RBFOX1: variants seen among roughly 807,000 people sequenced by gnomAD.
RBFOX1 encodes the protein RNA binding protein fox-1 homolog 1.
Under a neutral mutation model 57.7 loss-of-function variants are expected in RBFOX1, and 8 were observed. That is an observed-to-expected ratio of 0.14 (90% CI 0.08 to 0.25). The LOEUF is 0.25. Ranked by LOEUF, RBFOX1 falls within the 10% of genes least tolerant of loss-of-function variation. RBFOX1 has a pLI of 1.00. For missense variants in RBFOX1, 611 were observed against 548.5 expected, an observed-to-expected ratio of 1.11 and a Z score of -1.14; for synonymous variants, 326 against 222.4, an observed-to-expected ratio of 1.47 and a Z score of -4.15.
At chr16:6,087,316 A>G (rs936174344) in intron 1 of RBFOX1, among the ~76,000 whole-genome samples, 5 of 152,214 alleles carry the variant, frequency 3.3e-5, no homozygotes, top group Admixed American at 3.3e-4. Context: ...ACACATGTGC[A>G]TGCAAGCTTT....
intron 4 of RBFOX1, among the ~76,000 whole-genome samples, chr16:7,120,651 A>G (rs2066903435): frequency 1.3e-5 from 2 of 150,832 alleles, no homozygotes; most frequent in Admixed American, 1.3e-4. Context: ...ATTTTCAGAC[A>G]CAAATGGTTT....
chr16:7,382,934 C>G (rs1013109316), intron 4 of RBFOX1, among the ~76,000 whole-genome samples: 2 of 152,128 alleles, frequency 1.3e-5, no homozygotes, highest in Non-Finnish European at 2.9e-5. Context: ...TAGACATCTC[C>G]CTGTAAAGGG....
chr16:6,533,891 A>G (rs2096697813), intron 2 of RBFOX1, among the ~76,000 whole-genome samples: 1 of 152,188 alleles, frequency 6.6e-6, no homozygotes, highest in South Asian at 2.1e-4. Flanking sequence ...CCTCAAAATT[A>G]AAAACTTTGT....
chr16:5,789,550 T>G (rs1426148591), intron 3 of RBFOX1, among the ~76,000 whole-genome samples: 1 of 152,188 alleles, frequency 6.6e-6, no homozygotes, highest in African/African-American at 2.4e-5. Flanking sequence ...ATCATCGTCA[T>G]CATCATCACT....
chr16:6,768,741 T>C (rs947777081), intron 3 of RBFOX1, among the ~76,000 whole-genome samples: 2 of 123,978 alleles, frequency 1.6e-5, no homozygotes, highest in African/African-American at 8.1e-5. Context: ...ATTATTTTTC[T>C]TTTTTTTTTT....
At chr16:6,364,888 C>G (rs552712883) in intron 2 of RBFOX1, among the ~76,000 whole-genome samples, 2 of 152,136 alleles carry the variant, frequency 1.3e-5, no homozygotes, top group African/African-American at 4.8e-5. Flanking sequence ...CTAGACTGGG[C>G]GAGGGGCAGG....
At chr16:5,599,346 TA>T in exon 3 of RBFOX1, 1 of 611,854 alleles carries the variant, frequency 1.6e-6, no homozygotes, top group Non-Finnish European at 2.9e-6. Flanking sequence ...GTCTTCCTAG[TA>T]AGGACAGGAA....
intron 1 of RBFOX1, among the ~76,000 whole-genome samples, chr16:6,231,555 G>A (rs1168431292): frequency 6.6e-6 from 1 of 152,180 alleles, no homozygotes. Flanking sequence ...TCCTTGGCAA[G>A]GGCACTCTGC....
intron 2 of RBFOX1, among the ~76,000 whole-genome samples, chr16:5,579,401 T>C (rs368295024): frequency 1.3e-5 from 2 of 152,126 alleles, no homozygotes; most frequent in East Asian, 3.9e-4. Context: ...GCATCCTTGA[T>C]TCTGGGATTC....
In RBFOX1 at chr16:6,927,414, C is replaced by CAAAAAAAAAAAAAAAAAAAAAAAAAAAAA. The variant is rs1194663760; in HGVS notation, c.-15-124618_-15-124617insAAAAAAAAAAAAAAAAAAAAAAAAAAAAA. On this transcript the variant is annotated intron_variant, in intron 3 of 15. Coordinates refer to ENST00000550418, the MANE Select transcript of RBFOX1 (RefSeq NM_018723.4). ...GGCAACAGAGTGAGACGCTTTCTCA[C>CAAAAAAAAAAAAAAAAAAAAAAAAAAAAA]AAAAAAAAAAAAAAAAAAAAAAAAA... Among the ~76,000 whole-genome samples the CAAAAAAAAAAAAAAAAAAAAAAAAAAAAA allele has an allele frequency of 1.5e-4, 8 of 53,144 alleles. 1 individual carries two copies. Among genetic ancestry groups the CAAAAAAAAAAAAAAAAAAAAAAAAAAAAA allele is most frequent in the African/African-American group, 8.6e-4 (8 of 9,278 alleles). The allele number at this position is 53,144 out of a possible 152,430, so 34.9% of individuals were successfully genotyped here.
At chr16:5,256,491 C>T (rs2062593980) in intron 1 of RBFOX1, among the ~76,000 whole-genome samples, 1 of 152,206 alleles carries the variant, frequency 6.6e-6, no homozygotes, top group Admixed American at 6.5e-5. Flanking sequence ...GCTTCTCTCC[C>T]AGGACTGCTA....
chr16:5,329,068 G>C (rs1196130042), intron 1 of RBFOX1, among the ~76,000 whole-genome samples: 3 of 152,114 alleles, frequency 2.0e-5, no homozygotes, highest in Non-Finnish European at 4.4e-5. Flanking sequence ...TACATATATT[G>C]TTTTATTTGA....
At chr16:6,936,873 T>G (rs1001633489) in intron 3 of RBFOX1, among the ~76,000 whole-genome samples, 1 of 147,504 alleles carries the variant, frequency 6.8e-6, no homozygotes, top group South Asian at 2.1e-4. Flanking sequence ...TCTCTGAAAT[T>G]TTTAAGATCC....
At chr16:6,282,899 A>C (rs1217406546) in intron 1 of RBFOX1, among the ~76,000 whole-genome samples, 1 of 152,230 alleles carries the variant, frequency 6.6e-6, no homozygotes, top group African/African-American at 2.4e-5. Flanking sequence ...CTATTGTCTC[A>C]TTTCATTGAT....
chr16:7,316,327 T>G (rs1029494532), intron 4 of RBFOX1, among the ~76,000 whole-genome samples: 4 of 152,210 alleles, frequency 2.6e-5, no homozygotes, highest in African/African-American at 9.6e-5. Flanking sequence ...TTTTACCTGT[T>G]TGTATAATCT....
At chr16:7,600,533 T>C (rs554282562) in intron 9 of RBFOX1, among the ~76,000 whole-genome samples, 10 of 152,266 alleles carry the variant, frequency 6.6e-5, no homozygotes, top group South Asian at 4.2e-4. Context: ...TAAAGTCACA[T>C]TGAAATGAGA....
At chr16:6,089,520 G>C (rs1009608957) in intron 1 of RBFOX1, among the ~76,000 whole-genome samples, 3 of 152,224 alleles carry the variant, frequency 2.0e-5, no homozygotes, top group African/African-American at 7.2e-5. Flanking sequence ...GTAAATCTTA[G>C]ACTAAAATCT....
intron 3 of RBFOX1, among the ~76,000 whole-genome samples, chr16:6,804,679 G>A (rs2086300674): frequency 6.6e-6 from 1 of 152,160 alleles, no homozygotes; most frequent in Admixed American, 6.5e-5. Flanking sequence ...ACTTTCTAAA[G>A]AATAAGAGTG....
intron 4 of RBFOX1, among the ~76,000 whole-genome samples, chr16:5,912,897 T>C (rs547736437): frequency 6.6e-6 from 1 of 152,256 alleles, no homozygotes; most frequent in South Asian, 2.1e-4. Flanking sequence ...CTTGTCCAGT[T>C]CTGGCCTCCA....
Sources: allele counts gnomAD v4.1 joint callset (sites outside exome capture counted in the v4.1 genomes callset), GRCh38; gene constraint gnomAD v4.1.1; transcripts MANE v1.5; gene names NCBI Gene and HGNC (gene_info 2026-07-23, HGNC 2026-07-21).